CAPN13: variants seen among roughly 807,000 people sequenced by gnomAD.
The protein encoded by CAPN13 is calpain-13.
A neutral mutation model predicts 98.4 loss-of-function variants in CAPN13; 90 were observed. The observed-to-expected ratio is 0.92, with a 90% CI of 0.77 to 1.09. The LOEUF (loss-of-function observed/expected upper bound fraction) is 1.09, where lower values mean the gene tolerates loss of function less well. Among genes scored for constraint, CAPN13 ranks in the 50% least tolerant of loss-of-function variants. The probability of loss-of-function intolerance (pLI) is 0.00; values close to 1 mark genes in which losing one functional copy is unlikely to be tolerated. For missense variants in CAPN13, 887 were observed against 841.3 expected (o/e 1.05, Z -0.67); for synonymous variants, 330 against 305.5 (o/e 1.08, Z -0.84).
intron 2 of CAPN13, among the ~76,000 whole-genome samples, chr2:30,785,486 T>C (rs968128956): frequency 6.6e-6 from 1 of 152,124 alleles, no homozygotes; most frequent in African/African-American, 2.4e-5. Context: ...AGAGCTCAGG[T>C]AAGCTTTTGG....
chr2:30,779,750 G>T (rs1673893787), intron 2 of CAPN13, among the ~76,000 whole-genome samples: 1 of 152,076 alleles, frequency 6.6e-6, no homozygotes, highest in African/African-American at 2.4e-5. Flanking sequence ...ATAGGAGGAA[G>T]AACTGAAAAG....
intron 5 of CAPN13, among the ~76,000 whole-genome samples, chr2:30,766,361 G>T (rs1673112665): frequency 6.6e-6 from 1 of 152,198 alleles, no homozygotes; most frequent in Non-Finnish European, 1.5e-5. Context: ...GCCACTCACG[G>T]CTAGAGCCCT....
Position 30,741,031 on chromosome 2 carries a change from G to T in CAPN13, c.1536+877C>A, listed in dbSNP as rs556040794. Among the ~76,000 whole-genome samples the T allele has an allele frequency of 2.2e-4, 34 of 152,266 alleles. No homozygotes were observed. In the East Asian group the frequency reaches 2.3e-3, roughly 10 times the overall value. ...TCATCCCTGCCTTCGGGAGCTTACAGACTGAGGGCAGTCATCTTGGCCGGC... is the reference window on the plus strand; with the variant it reads ...TCATCCCTGCCTTCGGGAGCTTACATACTGAGGGCAGTCATCTTGGCCGGC... On this transcript the variant is annotated intron_variant, in intron 15 of 22. Coordinates refer to ENST00000295055, the MANE Select transcript of CAPN13 (RefSeq NM_144575.3).
intron 8 of CAPN13, 85 bp downstream of exon 8, chr2:30,757,961 A>T (rs1271559525): frequency 3.0e-6 from 3 of 989,322 alleles, no homozygotes. Flanking sequence ...CGCAGTGGCT[A>T]GATAGCCCCT....
intron 1 of CAPN13, among the ~76,000 whole-genome samples, chr2:30,799,776 G>A (rs1262393944): frequency 1.3e-5 from 2 of 152,114 alleles, no homozygotes; most frequent in Non-Finnish European, 2.9e-5. Context: ...GTCTTCAGAT[G>A]TAGAAAGCTA....
intron 8 of CAPN13, among the ~76,000 whole-genome samples, chr2:30,756,106 A>G (rs986122581): frequency 2.6e-5 from 4 of 151,892 alleles, no homozygotes; most frequent in African/African-American, 9.7e-5. Context: ...AGGTTCTGCT[A>G]GATCCGTCTC....
Position 30,743,367 on chromosome 2 carries a change from C to T in CAPN13, c.1445+16G>A. On this transcript the variant is annotated intron_variant, in intron 13 of 22. Coordinates refer to ENST00000295055, the MANE Select transcript of CAPN13 (RefSeq NM_144575.3). ...TAAGTAGAATAAAACATTTACAATC[C>T]CAGAGGGTTCTGTACCTGTCACTGT... 1.2e-6 allele frequency: 2 copies of T among 1,604,922 alleles called. No homozygotes were observed. The highest frequency in any genetic ancestry group is 1.7e-6 in the Non-Finnish European group (2 of 1,171,684).
chr2:30,752,992 A>AGGGCT lies in CAPN13; in HGVS notation c.1087+56_1087+60dup. On this transcript the variant is annotated intron_variant, in intron 10 of 22. Transcript: ENST00000295055. The stretch of plus-strand genomic sequence containing the variant: ...GACCAGAGAGAGCTGAAGCCATGCA[A>AGGGCT]GGGCTGGGCTGGGGCAGCCAGCTTC... 4 of 1,584,894 alleles carry AGGGCT rather than the reference A, an allele frequency of 2.5e-6. No homozygotes were observed. In the South Asian group the frequency reaches 4.5e-5, roughly 18 times the overall value.
intron 13 of CAPN13, chr2:30,743,114 C>A: frequency 2.1e-6 from 1 of 481,314 alleles, no homozygotes; most frequent in South Asian, 3.0e-5. Context: ...CTCAAGAAGC[C>A]TTCCTCAGTC....
At chr2:30,806,487 C>T (rs1475604221) in intron 1 of CAPN13, among the ~76,000 whole-genome samples, 3 of 152,152 alleles carry the variant, frequency 2.0e-5, no homozygotes, top group Non-Finnish European at 4.4e-5. Context: ...AGAGGATAAT[C>T]TGATTGAAAG....
At chr2:30,729,546 T>C (rs1206662319) in intron 22 of CAPN13, 1 of 152,218 alleles carries the variant, frequency 6.6e-6, no homozygotes, top group Non-Finnish European at 1.5e-5. Flanking sequence ...TCATGCAGAT[T>C]GGAACAGACA....
intron 1 of CAPN13, among the ~76,000 whole-genome samples, chr2:30,789,537 AGT>A (rs1452700075): frequency 1.3e-5 from 2 of 152,240 alleles, no homozygotes; most frequent in Non-Finnish European, 2.9e-5. Context: ...TGCGAGGATC[AGT>A]TCCTAGTCCA....
chr2:30,741,339 G>A (rs1671643251), intron 15 of CAPN13: 6 of 963,092 alleles, frequency 6.2e-6, no homozygotes, highest in Non-Finnish European at 7.4e-6. Context: ...GATGATCATC[G>A]GTATCACTTT....
chr2:30,741,285 C>T (rs907938158), intron 15 of CAPN13: 15 of 726,770 alleles, frequency 2.1e-5, no homozygotes, highest in African/African-American at 3.8e-5. Flanking sequence ...GCCTGCCATC[C>T]TTCCTGTCCT....
chr2:30,782,618 A>G (rs6548034), intron 2 of CAPN13, among the ~76,000 whole-genome samples: 92,267 of 152,138 alleles, frequency 0.61, 28,690 homozygotes, highest in African/African-American at 0.7. Flanking sequence ...TGGAAGGAAG[A>G]TGTCACTGGG....
At chr2:30,743,228 C>A (rs930369066) in intron 13 of CAPN13, 155 bp downstream of exon 13, 1 of 717,498 alleles carries the variant, frequency 1.4e-6, no homozygotes, top group Non-Finnish European at 2.4e-6. Context: ...CTCGCTCCCC[C>A]TTTATGGTGA....
intron 20 of CAPN13, 101 bp downstream of exon 20, chr2:30,732,337 A>T (rs1304902701): frequency 2.7e-6 from 4 of 1,468,800 alleles, no homozygotes; most frequent in Non-Finnish European, 3.7e-6. Context: ...CCTGCTGCTG[A>T]GGCCTCACGC....
chr2:30,782,875 A>G (rs1674064137), intron 2 of CAPN13, among the ~76,000 whole-genome samples: 1 of 152,242 alleles, frequency 6.6e-6, no homozygotes, highest in Non-Finnish European at 1.5e-5. Context: ...CACAAGCCAT[A>G]TGTGGATACT....
intron 22 of CAPN13, among the ~76,000 whole-genome samples, chr2:30,724,554 G>A (rs1473950172): frequency 2.6e-5 from 4 of 152,014 alleles, no homozygotes; most frequent in African/African-American, 9.7e-5. Context: ...CTCCTCCTTG[G>A]TTTATGCCCT....
Sources: allele counts gnomAD v4.1 joint callset (sites outside exome capture counted in the v4.1 genomes callset), GRCh38; gene constraint gnomAD v4.1.1; transcripts MANE v1.5; gene names NCBI Gene and HGNC (gene_info 2026-07-23, HGNC 2026-07-21).